The following ADAMTS6 variants were observed in gnomAD, a reference collection of about 807,000 sequenced individuals.
ADAMTS6 encodes the protein ADAM metallopeptidase with thrombospondin type 1 motif 6.
A neutral mutation model predicts 144.3 loss-of-function variants in ADAMTS6; 23 were observed. That is an observed-to-expected ratio of 0.16 (90% CI 0.11 to 0.23). The LOEUF (loss-of-function observed/expected upper bound fraction) is 0.23. Ranked by LOEUF, ADAMTS6 falls within the 10% of genes least tolerant of loss-of-function variation. ADAMTS6 has a pLI of 1.00. For missense variants in ADAMTS6, 999 were observed against 1,379.6 expected (o/e 0.72, Z 4.37); for synonymous variants, 444 against 457.5 (o/e 0.97, Z 0.38).
chr5:65,360,512 A>G (rs1216383862), intron 7 of ADAMTS6, among the ~76,000 whole-genome samples: 2 of 152,188 alleles, frequency 1.3e-5, no homozygotes. Flanking sequence ...TACACAGTAC[A>G]TATATACTAT....
intron 11 of ADAMTS6, among the ~76,000 whole-genome samples, chr5:65,285,911 A>G (rs1333632535): frequency 1.3e-5 from 2 of 152,212 alleles, no homozygotes; most frequent in African/African-American, 4.8e-5. Context: ...AAGCCTTTTT[A>G]ATAGCGAATG....
At chr5:65,447,084 A>C (rs1023096997) in intron 7 of ADAMTS6, among the ~76,000 whole-genome samples, 1 of 152,200 alleles carries the variant, frequency 6.6e-6, no homozygotes, top group African/African-American at 2.4e-5. Flanking sequence ...ACTTTATAGG[A>C]GAGAAAGCCA....
chr5:65,175,530 A>C (rs1265430243), intron 22 of ADAMTS6, among the ~76,000 whole-genome samples: 1 of 151,268 alleles, frequency 6.6e-6, no homozygotes, highest in Non-Finnish European at 1.5e-5. Context: ...ACAAGGGCGT[A>C]TTCCCGAAAG....
intron 7 of ADAMTS6, among the ~76,000 whole-genome samples, chr5:65,346,755 T>A (rs1174694126): frequency 1.3e-5 from 2 of 151,464 alleles, no homozygotes; most frequent in Non-Finnish European, 3.0e-5. Flanking sequence ...TATAGAAAAC[T>A]CTAAAAAACT....
At position 65,451,591 on chromosome 5, in the gene ADAMTS6, G is replaced by A. The variant is rs761842224; in HGVS notation, c.957C>T (p.Asp319=). Residue 319 remains aspartate, a synonymous_variant, in exon 7 of 25, where the codon GAC becomes GAT. Transcript: ENST00000381055. ...QPNLEINHHA[D]KSLDSFCKWQ... The stretch of plus-strand genomic sequence containing the variant: ...ATTTACAGAAGCTATCGAGGGACTT[G>A]TCTGCATGGTGGTTTATCTCCAAGT... 5 of 1,612,886 alleles carry A rather than the reference G, an allele frequency of 3.1e-6. No individual in the cohort carries two copies. In the Admixed American group the frequency reaches 6.7e-5, roughly 22 times the overall value.
intron 7 of ADAMTS6, among the ~76,000 whole-genome samples, chr5:65,406,442 A>G (rs561984810): frequency 6.6e-6 from 1 of 152,238 alleles, no homozygotes; most frequent in East Asian, 1.9e-4. Context: ...TATATGATGG[A>G]TTACGTTTAT....
intron 9 of ADAMTS6, among the ~76,000 whole-genome samples, chr5:65,323,236 A>C (rs553550922): frequency 6.7e-6 from 1 of 150,230 alleles, no homozygotes; most frequent in African/African-American, 2.4e-5. Context: ...ATTTAGCATT[A>C]GGTATATCTC....
chr5:65,193,935 G>C (rs1445961871), intron 21 of ADAMTS6, among the ~76,000 whole-genome samples: 1 of 152,108 alleles, frequency 6.6e-6, no homozygotes, highest in Non-Finnish European at 1.5e-5. Context: ...GTCATAAGTA[G>C]TGTAATACAA....
intron 24 of ADAMTS6, among the ~76,000 whole-genome samples, chr5:65,166,835 G>T (rs1244732423): frequency 1.0e-5 from 1 of 95,338 alleles, no homozygotes; most frequent in Non-Finnish European, 2.2e-5. Context: ...TGAAACCAAC[G>T]AGAACAAAGA....
chr5:65,397,844 T>A (rs935016860), intron 7 of ADAMTS6, among the ~76,000 whole-genome samples: 1 of 137,910 alleles, frequency 7.3e-6, no homozygotes. Flanking sequence ...GCCACTACAC[T>A]CCAGCCTCAG....
At chr5:65,220,606 G>A (rs1367806384) in intron 18 of ADAMTS6, among the ~76,000 whole-genome samples, 1 of 152,106 alleles carries the variant, frequency 6.6e-6, no homozygotes, top group Non-Finnish European at 1.5e-5. Flanking sequence ...AATTAGCCGG[G>A]CGTCAACGTG....
chr5:65,348,545 G>A (rs1748562032), intron 7 of ADAMTS6, among the ~76,000 whole-genome samples: 1 of 152,038 alleles, frequency 6.6e-6, no homozygotes, highest in Admixed American at 6.6e-5. Context: ...AGCATACAAG[G>A]TTTCACTTAG....
chr5:65,266,440 A>C (rs1761634761), intron 12 of ADAMTS6, among the ~76,000 whole-genome samples: 1 of 151,966 alleles, frequency 6.6e-6, no homozygotes, highest in South Asian at 2.1e-4. Context: ...TGGGTAAATA[A>C]TTTGTAATAT....
intron 9 of ADAMTS6, among the ~76,000 whole-genome samples, chr5:65,328,675 T>TA (rs199810065): frequency 2.0e-5 from 3 of 150,490 alleles, no homozygotes; most frequent in African/African-American, 4.9e-5. Context: ...GTTGAAATTT[T>TA]AAAAAAAAAG....
At chr5:65,231,550 A>T (rs146602785) in intron 15 of ADAMTS6, among the ~76,000 whole-genome samples, 2 of 152,302 alleles carry the variant, frequency 1.3e-5, no homozygotes, top group East Asian at 3.9e-4. Context: ...CATACAAAAA[A>T]TTCCATCCAG....
chr5:65,174,814 CA>C (rs549422059), intron 22 of ADAMTS6, among the ~76,000 whole-genome samples: 93 of 152,176 alleles, frequency 6.1e-4, no homozygotes, highest in African/African-American at 2.2e-3. Context: ...GTGGTGTGAG[CA>C]TGGTGTTTTG....
At chr5:65,184,306 A>C (rs1754536974) in intron 22 of ADAMTS6, among the ~76,000 whole-genome samples, 1 of 152,376 alleles carries the variant, frequency 6.6e-6, no homozygotes, top group East Asian at 1.9e-4. Flanking sequence ...TTTCGGGGTT[A>C]CACTGAGTTC....
At chr5:65,444,605 T>G (rs1010681310) in intron 7 of ADAMTS6, among the ~76,000 whole-genome samples, 3 of 152,038 alleles carry the variant, frequency 2.0e-5, no homozygotes, top group Non-Finnish European at 4.4e-5. Flanking sequence ...AATGGAGAGA[T>G]AGACTTTGTT....
At chr5:65,320,911 T>C (rs1347144209) in intron 9 of ADAMTS6, among the ~76,000 whole-genome samples, 1 of 152,188 alleles carries the variant, frequency 6.6e-6, no homozygotes, top group Admixed American at 6.5e-5. Flanking sequence ...TAGTATTCCA[T>C]GGTGTGCATG....
Sources: gnomAD v4.1 joint callset for allele counts (sites outside exome capture counted in the v4.1 genomes callset) on GRCh38, gnomAD v4.1.1 for gene constraint, MANE v1.5 for transcripts, NCBI Gene and HGNC (gene_info 2026-07-23, HGNC 2026-07-21) for gene names.